The following NLN variants were observed in gnomAD, a reference collection of about 807,000 sequenced individuals.
The protein encoded by NLN is neurolysin, also known as neurolysin, mitochondrial.
In NLN, 64 loss-of-function variants were observed where a neutral mutation model predicts 79.9. That is an observed-to-expected ratio of 0.80 (90% CI 0.65 to 0.99). NLN has a LOEUF of 0.99. Ranked by LOEUF, NLN falls within the 50% of genes least tolerant of loss-of-function variation. The probability of loss-of-function intolerance (pLI) is 0.00; values close to 1 mark genes in which losing one functional copy is unlikely to be tolerated. For missense variants in NLN, 835 were observed against 858.7 expected, an observed-to-expected ratio of 0.97 and a Z score of 0.34; for synonymous variants, 267 against 296.6, an observed-to-expected ratio of 0.90 and a Z score of 1.02.
intron 9 of NLN, among the ~76,000 whole-genome samples, chr5:65,805,396 C>G (rs772984079): frequency 2.8e-4 from 42 of 152,162 alleles, no homozygotes; most frequent in Non-Finnish European, 5.7e-4. Context: ...GAAAAAGTTC[C>G]TGAAAGTTAT....
At chr5:65,810,853 C>T (rs901166449) in intron 11 of NLN, among the ~76,000 whole-genome samples, 1 of 152,094 alleles carries the variant, frequency 6.6e-6, no homozygotes, top group Non-Finnish European at 1.5e-5. Flanking sequence ...TGGTGTATAC[C>T]TACAGTCCTA....
chr5:65,753,686 A>G (rs1759153231), intron 1 of NLN, among the ~76,000 whole-genome samples: 1 of 151,956 alleles, frequency 6.6e-6, no homozygotes, highest in African/African-American at 2.4e-5. Context: ...AATGATACTA[A>G]TGGAAATTTG....
intron 9 of NLN, among the ~76,000 whole-genome samples, chr5:65,806,549 G>A (rs567074682): frequency 3.7e-4 from 57 of 152,332 alleles, no homozygotes; most frequent in African/African-American, 1.4e-3. Flanking sequence ...GGAGCCTGAA[G>A]ATGTGACTGA....
chr5:65,731,162 C>T lies in NLN; in HGVS notation c.41+8748C>T, dbSNP rs775955417. Among the ~76,000 whole-genome samples the T allele has an allele frequency of 3.3e-5, 5 of 152,188 alleles. No homozygotes were observed. In the East Asian group the frequency reaches 9.6e-4, roughly 29 times the overall value. On this transcript the variant is annotated intron_variant, in intron 1 of 12. Transcript: ENST00000380985. ...TTTGGCCCTCTTTCCTGTGACGTCTCGTCCTCCAAGAAGCCACCTCTGGCT... is the reference window on the plus strand; with the variant it reads ...TTTGGCCCTCTTTCCTGTGACGTCTTGTCCTCCAAGAAGCCACCTCTGGCT...
chr5:65,731,986 A>G (rs1758621675), intron 1 of NLN, among the ~76,000 whole-genome samples: 1 of 152,034 alleles, frequency 6.6e-6, no homozygotes, highest in African/African-American at 2.4e-5. Context: ...CCTGGGCTCA[A>G]GCAATCCTTC....
intron 1 of NLN, among the ~76,000 whole-genome samples, chr5:65,748,740 G>A (rs1040536642): frequency 2.0e-5 from 3 of 152,160 alleles, no homozygotes; most frequent in East Asian, 3.9e-4. Flanking sequence ...GCAACAGAAC[G>A]AGACCCTGTC....
chr5:65,769,703 C>T (rs1390631927), intron 3 of NLN, among the ~76,000 whole-genome samples: 1 of 152,152 alleles, frequency 6.6e-6, no homozygotes, highest in Non-Finnish European at 1.5e-5. Flanking sequence ...ACTCATATAA[C>T]CTTGATTCCA....
In NLN at chr5:65,812,460, A is replaced by G. The variant is rs1760575133; in HGVS notation, c.1980+69A>G. 1.4e-5 allele frequency: 15 copies of G among 1,082,606 alleles called. No individual in the cohort carries two copies. The East Asian group carries it at 3.5e-4, about 25-fold the overall frequency. The allele number at this position is 1,082,606 out of a possible 1,614,324, so 67.1% of individuals were successfully genotyped here. On this transcript the variant is annotated intron_variant, in intron 12 of 12. Coordinates refer to ENST00000380985, the MANE Select transcript of NLN (RefSeq NM_020726.5). ...CCTCCCCTTTAACTCCTAGTGTAAA[A>G]TATTGGTCACATCTAGATTTTACTG...
chr5:65,773,966 C>A (rs1252429000), intron 3 of NLN, among the ~76,000 whole-genome samples: 1 of 151,016 alleles, frequency 6.6e-6, no homozygotes, highest in Non-Finnish European at 1.5e-5. Context: ...ATAATCAACT[C>A]AATTTTTGTG....
chr5:65,768,572 G>A (rs918038473), intron 3 of NLN, among the ~76,000 whole-genome samples: 1 of 152,228 alleles, frequency 6.6e-6, no homozygotes, highest in African/African-American at 2.4e-5. Context: ...AGACTGGGCT[G>A]CCATAACAAA....
intron 7 of NLN, 125 bp downstream of exon 7, chr5:65,786,035 T>A: frequency 1.2e-6 from 1 of 819,804 alleles, no homozygotes; most frequent in Non-Finnish European, 1.9e-6. Context: ...AGTATATTGA[T>A]CACCTATTAA....
chr5:65,779,334 G>A (rs1759748444), intron 4 of NLN, among the ~76,000 whole-genome samples: 1 of 152,048 alleles, frequency 6.6e-6, no homozygotes, highest in Non-Finnish European at 1.5e-5. Flanking sequence ...ATTGTTAGAA[G>A]AATGGGACAG....
At chr5:65,770,100 C>T (rs1343014034) in intron 3 of NLN, among the ~76,000 whole-genome samples, 1 of 152,170 alleles carries the variant, frequency 6.6e-6, no homozygotes, top group Non-Finnish European at 1.5e-5. Flanking sequence ...GAGCTTAAAG[C>T]TTCTAGATGT....
chr5:65,758,582 G>T lies in NLN; in HGVS notation c.57G>T (p.Arg19Ser), dbSNP rs1443888587. ...VRSLRRVGGS[R>S]ILLRMTLGRE... ...TTCTTTTTAGAGTTGGTGGTTCCAG[G>T]ATTTTACTCAGAATGACGTTAGGAA... is the stretch of plus-strand genomic sequence containing the variant. Residue 19 changes from arginine (R) to serine (S), a missense_variant, in exon 2 of 13, where the codon AGG becomes AGT. Transcript: ENST00000380985. The T allele has an allele frequency of 1.2e-6, 2 of 1,608,348 alleles. No homozygotes were observed. The highest frequency in any genetic ancestry group is 3.3e-5 in the Admixed American group (2 of 59,906).
chr5:65,731,244 A>G (rs1758600080), intron 1 of NLN, among the ~76,000 whole-genome samples: 1 of 152,188 alleles, frequency 6.6e-6, no homozygotes, highest in South Asian at 2.1e-4. Flanking sequence ...TGGAACTGGA[A>G]CCTCATTAGC....
intron 1 of NLN, chr5:65,740,834 A>G (rs1437416554): frequency 6.8e-6 from 1 of 147,022 alleles, no homozygotes; most frequent in Admixed American, 6.9e-5. Context: ...TATTTTATAT[A>G]TACGTATATT....
chr5:65,807,224 T>C (rs1433377439), intron 9 of NLN, among the ~76,000 whole-genome samples: 4 of 150,658 alleles, frequency 2.7e-5, no homozygotes, highest in Non-Finnish European at 5.9e-5. Context: ...AGAAGGAAAT[T>C]GCCACAGCCA....
intron 9 of NLN, among the ~76,000 whole-genome samples, chr5:65,806,517 C>T (rs1760416034): frequency 6.6e-6 from 1 of 152,122 alleles, no homozygotes; most frequent in Non-Finnish European, 1.5e-5. Context: ...GTAGAAACAG[C>T]AGGACAACTA....
At chr5:65,734,161 T>G (rs1420895389) in intron 1 of NLN, among the ~76,000 whole-genome samples, 1 of 138,746 alleles carries the variant, frequency 7.2e-6, no homozygotes, top group African/African-American at 2.7e-5. Context: ...CCTCCCAAAG[T>G]GTAATTTTTG....
Sources: gnomAD v4.1 joint callset for allele counts (sites outside exome capture counted in the v4.1 genomes callset) on GRCh38, gnomAD v4.1.1 for gene constraint, MANE v1.5 for transcripts, NCBI Gene and HGNC (gene_info 2026-07-23, HGNC 2026-07-21) for gene names.